Variants in HRH4 observed in about 807,000 individuals in gnomAD.
HRH4 encodes histamine receptor H4.
A neutral mutation model predicts 10.4 loss-of-function variants in HRH4; 12 were observed. The ratio of observed to expected loss-of-function variants is 1.15; its 90% CI spans 0.74 to 1.87. The LOEUF is 1.87. Ranked by LOEUF, HRH4 falls within the 40% of genes most tolerant of loss-of-function variation. The pLI is 0.00. For synonymous variants in HRH4, 154 were observed against 166.6 expected (o/e 0.92, Z 0.58); for missense variants, 415 against 453.3 (o/e 0.92, Z 0.77).
At chr18:24,473,354 G>A (rs1038346994) in intron 2 of HRH4, among the ~76,000 whole-genome samples, 1 of 152,140 alleles carries the variant, frequency 6.6e-6, no homozygotes, top group Admixed American at 6.5e-5. Flanking sequence ...AAAACAACAG[G>A]AATTTATTCT....
chr18:24,470,227 G>C (rs1024600111), intron 2 of HRH4, among the ~76,000 whole-genome samples: 2 of 152,208 alleles, frequency 1.3e-5, no homozygotes, highest in African/African-American at 4.8e-5. Context: ...AACAGTCCAT[G>C]AAAGAGTGGA....
At chr18:24,467,075 T>G (rs945677854) in intron 1 of HRH4, among the ~76,000 whole-genome samples, 48 of 152,228 alleles carry the variant, frequency 3.2e-4, no homozygotes, top group African/African-American at 1.1e-3. Context: ...CACTTGCTAG[T>G]TGAGTGGACC....
chr18:24,464,040 A>T (rs1241558572), intron 1 of HRH4, among the ~76,000 whole-genome samples: 1 of 152,200 alleles, frequency 6.6e-6, no homozygotes, highest in East Asian at 1.9e-4. Flanking sequence ...TGCTGCTATC[A>T]GAGCCTGAAC....
chr18:24,477,453 C>T lies in HRH4; in HGVS notation c.1064C>T (p.Pro355Leu), dbSNP rs749592787. The T allele has an allele frequency of 1.2e-5, 19 of 1,614,006 alleles. No homozygotes were observed. Among genetic ancestry groups the T allele is most frequent in the Non-Finnish European group, 1.5e-5 (18 of 1,180,000 alleles). ...WLQWFNSFVN[P>L]LLYPLCHKRF... ...CAGTGGTTCAATTCCTTTGTCAATCCTCTTTTGTATCCATTGTGTCACAAG... is the reference window on the plus strand; with the variant it reads ...CAGTGGTTCAATTCCTTTGTCAATCTTCTTTTGTATCCATTGTGTCACAAG... Residue 355 changes from proline to leucine, a missense_variant, in exon 3 of 3, where the codon CCT becomes CTT. Physicochemically the swap from Pro to Leu is moderately conservative, Grantham distance 98. Coordinates refer to ENST00000256906, the MANE Select transcript of HRH4 (RefSeq NM_021624.4).
At chr18:24,473,190 A>G (rs2144379524) in intron 2 of HRH4, among the ~76,000 whole-genome samples, 1 of 152,196 alleles carries the variant, frequency 6.6e-6, no homozygotes, top group Admixed American at 6.5e-5. Flanking sequence ...CAGAATTAAG[A>G]TAGTAAAAGA....
In HRH4 at chr18:24,477,631, C is replaced by T. The variant is rs1910183568; in HGVS notation, c.*69C>T. On this transcript the variant is annotated 3_prime_UTR_variant, in exon 3 of 3. Coordinates refer to ENST00000256906, the MANE Select transcript of HRH4 (RefSeq NM_021624.4). Reference sequence around the variant, plus strand: ...TAAATGAATCAGGTCTGCCCTTTATCTTGCCCTTTTCATTCTACCAACAGA... The same window carrying T: ...TAAATGAATCAGGTCTGCCCTTTATTTTGCCCTTTTCATTCTACCAACAGA... The T allele has an allele frequency of 9.1e-7, 1 of 1,098,436 alleles. No individual in the cohort carries two copies. The highest frequency in any genetic ancestry group is 2.5e-5 in the Admixed American group (1 of 39,288). 68.0% of individuals were successfully genotyped at this position (1,098,436 alleles called of 1,614,324 possible).
intron 1 of HRH4, among the ~76,000 whole-genome samples, chr18:24,462,571 G>T (rs1371110245): frequency 6.6e-6 from 1 of 152,148 alleles, no homozygotes; most frequent in Admixed American, 6.6e-5. Context: ...TAAAGATTGG[G>T]CTTCTGAGAC....
intron 1 of HRH4, among the ~76,000 whole-genome samples, chr18:24,465,168 AT>A (rs1909741518): frequency 2.0e-5 from 3 of 152,064 alleles, no homozygotes; most frequent in African/African-American, 7.2e-5. Flanking sequence ...TGTGCCTGTA[AT>A]CCCAGTTACT....
chr18:24,474,634 TGA>T (rs1312951497), intron 2 of HRH4, among the ~76,000 whole-genome samples: 1 of 150,712 alleles, frequency 6.6e-6, no homozygotes, highest in Non-Finnish European at 1.5e-5. Flanking sequence ...TTTTTGCCTG[TGA>T]GAGAGGAAAT....
In HRH4 at chr18:24,476,474, C is replaced by T. The variant is rs530691382; in HGVS notation, c.358-273C>T. Among the ~76,000 whole-genome samples, 5 of 152,286 alleles carry T rather than the reference C, an allele frequency of 3.3e-5. No individual in the cohort carries two copies. The East Asian group carries it at 9.6e-4, about 29-fold the overall frequency. On this transcript the variant is annotated intron_variant, in intron 2 of 2. Transcript: ENST00000256906. ...AGTGTCAATTAGGAAAAACTGCTTT[C>T]TTATTTTACATACTGGCCTTGACAT...
At chr18:24,465,412 A>C (rs996096926) in intron 1 of HRH4, among the ~76,000 whole-genome samples, 1 of 152,128 alleles carries the variant, frequency 6.6e-6, no homozygotes, top group African/African-American at 2.4e-5. Context: ...TGGGTGGTGC[A>C]TTGGAGGCCA....
In HRH4 at chr18:24,475,940, G is replaced by A. The variant is rs540354300; in HGVS notation, c.358-807G>A. ...GGAGAATTGCTTGAACGTGGGAAGCGGTGGTTGCAGTGAGCCGAGATTGCG... is the reference window on the plus strand; with the variant it reads ...GGAGAATTGCTTGAACGTGGGAAGCAGTGGTTGCAGTGAGCCGAGATTGCG... On this transcript the variant is annotated intron_variant, in intron 2 of 2. Transcript: ENST00000256906. Among the ~76,000 whole-genome samples, 7 of 152,208 alleles carry A rather than the reference G, an allele frequency of 4.6e-5. No homozygotes were observed. The East Asian group carries it at 1.2e-3, about 25-fold the overall frequency.
intron 2 of HRH4, among the ~76,000 whole-genome samples, chr18:24,475,422 G>A (rs1910109537): frequency 1.3e-5 from 2 of 152,140 alleles, no homozygotes; most frequent in African/African-American, 2.4e-5. Context: ...CTAGGAGTTC[G>A]AGACCAGCAT....
chr18:24,470,501 A>ATTTTTTTTTTTTTTTTTTT (rs200257355), intron 2 of HRH4, among the ~76,000 whole-genome samples: 2 of 129,880 alleles, frequency 1.5e-5, no homozygotes, highest in African/African-American at 3.0e-5. Flanking sequence ...TTGTTTCTCT[A>ATTTTTTTTTTTTTTTTTTT]TTTTTTTTTT....
At chr18:24,471,606 C>CAAAAAAAAAAAAAAAAAAAAAA (rs60730879) in intron 2 of HRH4, among the ~76,000 whole-genome samples, 2 of 51,390 alleles carry the variant, frequency 3.9e-5, no homozygotes, top group Non-Finnish European at 3.1e-5. Flanking sequence ...GACTCCATCT[C>CAAAAAAAAAAAAAAAAAAAAAA]AAAAAAAAAA....
At chr18:24,468,722 T>G (rs1909846110) in intron 1 of HRH4, 66 bp from the exon 2 acceptor site, 1 of 1,391,952 alleles carries the variant, frequency 7.2e-7, no homozygotes, top group African/African-American at 1.4e-5. Context: ...GTGTAGCCAT[T>G]AAAACATGCA....
At chr18:24,471,461 G>A (rs112048023) in intron 2 of HRH4, among the ~76,000 whole-genome samples, 2 of 151,630 alleles carry the variant, frequency 1.3e-5, no homozygotes, top group Admixed American at 6.6e-5. Flanking sequence ...AAAAAAATTA[G>A]CCAGGCATGG....
intron 1 of HRH4, among the ~76,000 whole-genome samples, chr18:24,461,248 G>T (rs1909629745): frequency 1.3e-5 from 2 of 152,100 alleles, no homozygotes; most frequent in Non-Finnish European, 2.9e-5. Flanking sequence ...AGGCTTATAA[G>T]TATTCCTCTT....
chr18:24,476,040 A>AT (rs1555669961), intron 2 of HRH4, among the ~76,000 whole-genome samples: 1 of 152,072 alleles, frequency 6.6e-6, no homozygotes, highest in Admixed American at 6.6e-5. Context: ...CTAAAAAAAA[A>AT]GTCTTTTTGT....
Sources: gnomAD v4.1 joint callset for allele counts (sites outside exome capture counted in the v4.1 genomes callset) on GRCh38, gnomAD v4.1.1 for gene constraint, MANE v1.5 for transcripts, NCBI Gene and HGNC (gene_info 2026-07-23, HGNC 2026-07-21) for gene names.